The following GRAP2 variants were observed in gnomAD, a reference collection of about 807,000 sequenced individuals.
GRAP2 encodes the protein GRB2-related adapter protein 2.
GRAP2 carries 31 observed loss-of-function variants against 43.5 expected under a neutral mutation model. The ratio of observed to expected loss-of-function variants is 0.71; its 90% confidence interval spans 0.54 to 0.96. GRAP2 has a LOEUF of 0.96. GRAP2 is among the 40% of genes least tolerant of loss of function. GRAP2 has a pLI of 0.00. For synonymous variants in GRAP2, 156 were observed against 164.8 expected (o/e 0.95, Z 0.41); for missense variants, 371 against 424.4 (o/e 0.87, Z 1.11).
chr22:39,924,206 G>A (rs2066678125), intron 1 of GRAP2, among the ~76,000 whole-genome samples: 1 of 152,134 alleles, frequency 6.6e-6, no homozygotes, highest in Admixed American at 6.5e-5. Flanking sequence ...AAGCTCCCAG[G>A]AAATGCATGT....
intron 3 of GRAP2, among the ~76,000 whole-genome samples, chr22:39,956,885 C>T (rs1316971875): frequency 6.6e-6 from 1 of 152,146 alleles, no homozygotes; most frequent in African/African-American, 2.4e-5. Context: ...TCGGGAGCTG[C>T]TCTCCTAAGC....
Position 39,955,039 on chromosome 22 carries a change from G to A in GRAP2, c.79-780G>A, listed in dbSNP as rs566147222. The stretch of plus-strand genomic sequence containing the variant: ...GGGATGTTTAAGTTTTAATCTGCCT[G>A]TTTAAAAAACAATAACAAATTGAAT... On this transcript the variant is annotated intron_variant, in intron 2 of 7. Transcript: ENST00000344138. Among the ~76,000 whole-genome samples, 114 of 152,294 alleles carry A rather than the reference G, an allele frequency of 7.5e-4. 2 individuals carry two copies. Among genetic ancestry groups the A allele is most frequent in the South Asian group, 6.2e-3 (30 of 4,828 alleles).
intron 3 of GRAP2, 83 bp from the exon 4 acceptor site, chr22:39,959,972 C>T (rs1033751928): frequency 7.5e-7 from 1 of 1,332,082 alleles, no homozygotes; most frequent in African/African-American, 1.4e-5. Context: ...GCCTCTTTCC[C>T]TCTGGGTCAC....
intron 1 of GRAP2, among the ~76,000 whole-genome samples, chr22:39,918,515 A>G (rs1421490169): frequency 2.0e-5 from 3 of 152,198 alleles, no homozygotes. Context: ...TTCTCATTAT[A>G]ATAACATTTT....
At chr22:39,895,289 C>T in the GRAP2 span, among the ~76,000 whole-genome samples, 1 of 152,192 alleles carries the variant, frequency 6.6e-6, no homozygotes, top group Non-Finnish European at 1.5e-5. Context: ...TCTCCTACTA[C>T]TTCAGTCATA....
At position 39,955,774 on chromosome 22, in the gene GRAP2, G is replaced by T. The variant is rs776622816; in HGVS notation, c.79-45G>T. On this transcript the variant is annotated intron_variant, in intron 2 of 7. Transcript: ENST00000344138. ...GCAGCCCCTTTCTCTTGTTTTTTTG[G>T]TGTCCTCCCTCCAATGTCTTTGTCT... 11 of 944,724 alleles carry T rather than the reference G, an allele frequency of 1.2e-5. No homozygotes were observed. In the Admixed American group the frequency reaches 1.6e-4, roughly 14 times the overall value. The allele number at this position is 944,724 out of a possible 1,614,324, so 58.5% of individuals were successfully genotyped here.
chr22:39,970,947 G>C lies in GRAP2; in HGVS notation c.856G>C (p.Glu286Gln). 2 of 1,613,502 alleles carry C rather than the reference G, an allele frequency of 1.2e-6. No homozygotes were observed. The highest frequency in any genetic ancestry group is 1.7e-6 in the Non-Finnish European group (2 of 1,179,816). The change falls in exon 8 of 8, where the codon GAG (glutamate) becomes CAG (glutamine). Residue 286 changes from glutamate (E) to glutamine (Q), a missense_variant. Physicochemically the swap from Glu to Gln is conservative, Grantham distance 29. Transcript: ENST00000344138. Reference sequence around the variant, plus strand: ...GGCGCTGTATGACTTTGAGGCCCTGGAGGATGACGAGCTGGGGTTCCACAG... The same window carrying C: ...GGCGCTGTATGACTTTGAGGCCCTGCAGGATGACGAGCTGGGGTTCCACAG... ...ARALYDFEAL[E>Q]DDELGFHSGE...
chr22:39,899,475 A>G (rs762315985), upstream of GRAP2, among the ~76,000 whole-genome samples: 22 of 152,246 alleles, frequency 1.4e-4, no homozygotes, highest in Non-Finnish European at 2.2e-4. Flanking sequence ...AAACTTGGCA[A>G]TAGAGCTGTT....
At chr22:39,957,179 G>A (rs1267656256) in intron 3 of GRAP2, among the ~76,000 whole-genome samples, 1 of 152,144 alleles carries the variant, frequency 6.6e-6, no homozygotes, top group African/African-American at 2.4e-5. Flanking sequence ...CAGTAGTATT[G>A]GTGACTCCAG....
chr22:39,971,171 A>G lies in GRAP2; in HGVS notation c.*87A>G. The stretch of plus-strand genomic sequence containing the variant: ...AAGGCTGGACTCCATGACTATATAT[A>G]CATACATCTATCTACATCTGCCTGT... On this transcript the variant is annotated 3_prime_UTR_variant, in exon 8 of 8. Transcript: ENST00000344138. 1.0e-6 allele frequency: 1 copy of G among 968,004 alleles called. No homozygotes were observed. The highest frequency in any genetic ancestry group is 1.6e-6 in the Non-Finnish European group (1 of 627,566). 60.0% of individuals were successfully genotyped at this position (968,004 alleles called of 1,614,324 possible). A position where few individuals can be genotyped will look rare whatever the true frequency, so the allele number is the denominator to read the frequency against.
intron 3 of GRAP2, among the ~76,000 whole-genome samples, chr22:39,959,457 C>T (rs1254035726): frequency 1.3e-5 from 2 of 152,258 alleles, no homozygotes; most frequent in African/African-American, 4.8e-5. Context: ...GTACACTGGA[C>T]TCCCTAGGAA....
intron 1 of GRAP2, among the ~76,000 whole-genome samples, chr22:39,946,367 G>A (rs1008923710): frequency 1.3e-5 from 2 of 152,140 alleles, no homozygotes; most frequent in African/African-American, 2.4e-5. Context: ...CATACTAAAT[G>A]TATTACATAG....
intron 1 of GRAP2, among the ~76,000 whole-genome samples, chr22:39,935,190 C>T (rs1202266976): frequency 1.3e-5 from 2 of 152,140 alleles, no homozygotes; most frequent in African/African-American, 2.4e-5. Context: ...TTCTTTTGTT[C>T]GTTCATTCTT....
At chr22:39,899,258 G>T (rs2066477690), upstream of GRAP2, among the ~76,000 whole-genome samples, 1 of 152,178 alleles carries the variant, frequency 6.6e-6, no homozygotes, top group African/African-American at 2.4e-5. Flanking sequence ...TGCTCCCTGG[G>T]GAGTAGTGCC....
intron 1 of GRAP2, among the ~76,000 whole-genome samples, chr22:39,935,920 C>G (rs2066802371): frequency 6.6e-6 from 1 of 152,114 alleles, no homozygotes; most frequent in Non-Finnish European, 1.5e-5. Flanking sequence ...TGTCACAGCC[C>G]TGGCGAAAAC....
chr22:39,936,771 G>A (rs9623088), intron 1 of GRAP2, among the ~76,000 whole-genome samples: 4,149 of 152,272 alleles, frequency 0.027, 188 homozygotes, highest in African/African-American at 0.096. Context: ...AAGTCTATTA[G>A]CTGAGATTGT....
intron 2 of GRAP2, among the ~76,000 whole-genome samples, chr22:39,952,747 T>C (rs1452905726): frequency 6.6e-6 from 1 of 152,184 alleles, no homozygotes; most frequent in Non-Finnish European, 1.5e-5. Context: ...TTAAAGAACG[T>C]ATAAACCCTT....
At chr22:39,946,887 G>A in intron 1 of GRAP2, 1 of 481,216 alleles carries the variant, frequency 2.1e-6, no homozygotes. Flanking sequence ...GGGATTCCGA[G>A]AATGATCCCA....
intron 1 of GRAP2, among the ~76,000 whole-genome samples, chr22:39,906,121 A>T (rs1377424502): frequency 6.6e-6 from 1 of 152,166 alleles, no homozygotes; most frequent in Non-Finnish European, 1.5e-5. Flanking sequence ...ACAAGCGGGG[A>T]GTTATGAGAC....
Sources: gnomAD v4.1 joint callset for allele counts (sites outside exome capture counted in the v4.1 genomes callset) on GRCh38, gnomAD v4.1.1 for gene constraint, MANE v1.5 for transcripts, NCBI Gene and HGNC (gene_info 2026-07-23, HGNC 2026-07-21) for gene names.